The following VPS35 variants were observed in gnomAD, a reference collection of about 807,000 sequenced individuals.
VPS35 encodes vacuolar protein sorting-associated protein 35.
VPS35 carries 21 observed loss-of-function variants against 98.1 expected under a neutral mutation model. That is an observed-to-expected ratio of 0.21 (90% CI 0.15 to 0.31). The LOEUF is 0.31. VPS35 is among the 10% of genes least tolerant of loss of function. VPS35 has a pLI of 1.00. For synonymous variants in VPS35, 268 were observed against 318.2 expected (o/e 0.84, Z 1.68); for missense variants, 554 against 950.8 (o/e 0.58, Z 5.49).
intron 10 of VPS35, 75 bp downstream of exon 10, chr16:46,674,239 A>C (rs1966108860): frequency 6.5e-7 from 1 of 1,537,550 alleles, no homozygotes; most frequent in South Asian, 1.1e-5. Context: ...GCAGTTCAAA[A>C]AACAATTGAG....
chr16:46,674,873 C>G (rs1329221869), intron 8 of VPS35, among the ~76,000 whole-genome samples: 1 of 152,042 alleles, frequency 6.6e-6, no homozygotes, highest in African/African-American at 2.4e-5. Flanking sequence ...TCAATGAAAC[C>G]TCCACCTGCT....
chr16:46,666,806 TACACACATATATACGTATATAC>T (rs1237535456), intron 13 of VPS35, among the ~76,000 whole-genome samples: 1 of 152,240 alleles, frequency 6.6e-6, no homozygotes, highest in East Asian at 1.9e-4. Context: ...TACATACATA[TACACACATATATACGTATATAC>T]ACACACATAT....
In VPS35 at chr16:46,661,289, GCA is replaced by G. The variant is rs1200840641; in HGVS notation, c.2211+427_2211+428del. On this transcript the variant is annotated intron_variant, in intron 16 of 16. Transcript: ENST00000299138. The surrounding 1 kb of genome is among the most constrained non-coding windows in gnomAD (Gnocchi z 4.3). ...TTGTTGCCCAGGCAGGAGTGCAATG[GCA>G]CAGTCTTGGCTCACTGCAGCCTCCA... Among the ~76,000 whole-genome samples, 5 of 152,184 alleles carry G rather than the reference GCA, an allele frequency of 3.3e-5. No individual in the cohort carries two copies. The highest frequency in any genetic ancestry group is 9.7e-5 in the African/African-American group (4 of 41,440).
At chr16:46,665,642 T>C (rs1202502357) in intron 13 of VPS35, among the ~76,000 whole-genome samples, 1 of 151,658 alleles carries the variant, frequency 6.6e-6, no homozygotes, top group Non-Finnish European at 1.5e-5. Context: ...GCACAGTGGG[T>C]GACAACACAG....
At chr16:46,688,798 G>T in intron 1 of VPS35, 2 of 1,335,882 alleles carry the variant, frequency 1.5e-6, no homozygotes, top group Non-Finnish European at 1.9e-6. Flanking sequence ...TAGGACTACC[G>T]GTCCCCTCGT....
intron 9 of VPS35, 27 bp downstream of exon 9, chr16:46,674,537 A>C (rs1389476564): frequency 3.1e-6 from 5 of 1,606,236 alleles, no homozygotes; most frequent in Non-Finnish European, 4.3e-6. Flanking sequence ...CAAAGTTTTG[A>C]GAACTTAGGA....
At chr16:46,680,989 T>C (rs1204674020) in intron 4 of VPS35, 136 bp from the exon 5 acceptor site, 14 of 922,844 alleles carry the variant, frequency 1.5e-5, no homozygotes, top group South Asian at 1.2e-4. Flanking sequence ...AAGGAAAATA[T>C]CTCATTTAAA....
rs757523799 is a variant in VPS35 at position 46,662,261 on chromosome 16, C to T, written c.2049G>A (p.Thr683=). The T allele has an allele frequency of 8.1e-6, 13 of 1,613,916 alleles. No individual in the cohort carries two copies. In the Admixed American group the frequency reaches 1.7e-4, roughly 21 times the overall value. The change falls in exon 15 of 17, where the codon ACG becomes ACA. Residue 683 remains threonine (T), a synonymous_variant. Transcript: ENST00000299138. ...ACCTTACCTCCTCCCCATTTTTGTC[C>T]GTGTTTCTGCCAGACCAGAAGAGAT... The part of the protein sequence containing the change: ...CAHLFWSGRN[T]DKNGEELHGG...
intron 6 of VPS35, among the ~76,000 whole-genome samples, chr16:46,678,406 T>C (rs115506759): frequency 2.6e-5 from 4 of 152,120 alleles, no homozygotes; most frequent in South Asian, 2.1e-4. Context: ...GGGCTGCAGG[T>C]TGGACAAGCT....
In VPS35 at chr16:46,658,503, G is replaced by A. The variant is rs570059770; in HGVS notation, c.*1969C>T. On this transcript the variant is annotated 3_prime_UTR_variant, in exon 17 of 17. Transcript: ENST00000299138. ...TGTTGGTTTATTATTTTTAAAATTG[G>A]GTTTACCTCAACCCAGAAAATAAGA... 6.5e-6 allele frequency: 1 copy of A among 153,504 alleles called. No individual in the cohort carries two copies. The highest frequency in any genetic ancestry group is 1.5e-5 in the Non-Finnish European group (1 of 68,014). 9.5% of individuals were successfully genotyped at this position (153,504 alleles called of 1,614,324 possible).
chr16:46,662,105 C>CT (rs2143005823), intron 15 of VPS35, 138 bp downstream of exon 15: 1 of 1,507,528 alleles, frequency 6.6e-7, no homozygotes, highest in South Asian at 1.2e-5. Flanking sequence ...ATGAGACTCT[C>CT]TTTTTTAACA....
At chr16:46,662,596 T>C (rs373702622) in intron 14 of VPS35, 114 bp from the exon 15 acceptor site, 121 of 1,505,434 alleles carry the variant, frequency 8.0e-5, no homozygotes, top group Non-Finnish European at 1.1e-4. Flanking sequence ...AGCCTTCATA[T>C]CAGAACATGC....
At chr16:46,688,824 G>A in intron 1 of VPS35, 1 of 1,377,666 alleles carries the variant, frequency 7.3e-7, no homozygotes, top group Non-Finnish European at 9.4e-7. Flanking sequence ...GCAGGTGACC[G>A]ATTCCACTTA....
At chr16:46,685,058 T>C (rs1966290859) in intron 1 of VPS35, among the ~76,000 whole-genome samples, 1 of 152,216 alleles carries the variant, frequency 6.6e-6, no homozygotes, top group African/African-American at 2.4e-5. Flanking sequence ...GGCTTTCTTT[T>C]AGGGGTAGGG....
At chr16:46,688,176 C>T (rs1207272404) in intron 1 of VPS35, 2 of 386,364 alleles carry the variant, frequency 5.2e-6, no homozygotes, top group African/African-American at 4.4e-5. Flanking sequence ...AATCTGTTTC[C>T]AGGCTTACAG....
Position 46,660,441 on chromosome 16 carries a change from A to T in VPS35, c.*31T>A. 6.2e-7 allele frequency: 1 copy of T among 1,611,340 alleles called. No homozygotes were observed. The highest frequency in any genetic ancestry group is 8.5e-7 in the Non-Finnish European group (1 of 1,179,590). The stretch of plus-strand genomic sequence containing the variant: ...GTAATAAAACCCTCACTGGATGTAC[A>T]TGGAAAGGAGTATGGTGAGCTATTT... On this transcript the variant is annotated 3_prime_UTR_variant, in exon 17 of 17. Transcript: ENST00000299138.
At chr16:46,667,734 T>C (rs1966010348) in intron 13 of VPS35, among the ~76,000 whole-genome samples, 1 of 152,182 alleles carries the variant, frequency 6.6e-6, no homozygotes, top group South Asian at 2.1e-4. Flanking sequence ...TTCTTTTGCA[T>C]GTGGATATCC....
At chr16:46,666,939 A>G (rs1286871166) in intron 13 of VPS35, among the ~76,000 whole-genome samples, 1 of 152,212 alleles carries the variant, frequency 6.6e-6, no homozygotes, top group East Asian at 1.9e-4. Flanking sequence ...GGGAGTGCAG[A>G]TATCTCTTTG....
chr16:46,681,721 T>C (rs1438654374), intron 3 of VPS35: 1 of 575,896 alleles, frequency 1.7e-6, no homozygotes, highest in Non-Finnish European at 3.1e-6. Flanking sequence ...AATGGTTACC[T>C]GTCAGACTGC....
Sources: allele counts gnomAD v4.1 joint callset (sites outside exome capture counted in the v4.1 genomes callset), GRCh38; gene constraint gnomAD v4.1.1; non-coding constraint Gnocchi (gnomAD v3.1); transcripts MANE v1.5; gene names NCBI Gene and HGNC (gene_info 2026-07-23, HGNC 2026-07-21).